Variants in DEPDC1B observed in about 807,000 individuals in gnomAD.
DEPDC1B encodes DEP domain-containing protein 1B.
In DEPDC1B, 51 loss-of-function variants were observed where a neutral mutation model predicts 66.5. That is an observed-to-expected ratio of 0.77 (90% CI 0.61 to 0.97). DEPDC1B has a LOEUF of 0.97. Among genes scored for constraint, DEPDC1B ranks in the 50% least tolerant of loss-of-function variants. DEPDC1B has a pLI of 0.00. For missense variants in DEPDC1B, 552 were observed against 637.1 expected (o/e 0.87, Z 1.44); for synonymous variants, 226 against 223.6 (o/e 1.01, Z -0.10).
intron 2 of DEPDC1B, among the ~76,000 whole-genome samples, chr5:60,675,998 G>A (rs1333745977): frequency 2.6e-5 from 4 of 151,394 alleles, no homozygotes; most frequent in Non-Finnish European, 5.9e-5. Context: ...CACAATCTCG[G>A]CTCACTGCAA....
intron 2 of DEPDC1B, among the ~76,000 whole-genome samples, chr5:60,686,237 T>A (rs1046494000): frequency 2.0e-5 from 3 of 152,190 alleles, no homozygotes; most frequent in African/African-American, 7.2e-5. Flanking sequence ...ATATTCTCCA[T>A]TCCTTCTTTT....
intron 2 of DEPDC1B, among the ~76,000 whole-genome samples, chr5:60,651,549 CAAAA>C (rs3029124): frequency 7.1e-6 from 1 of 140,022 alleles, no homozygotes; most frequent in African/African-American, 2.8e-5. Context: ...ACAAAAAAAA[CAAAA>C]AAAAAACTAA....
chr5:60,700,015 G>A, intron 1 of DEPDC1B, 31 bp downstream of exon 1: 2 of 1,548,052 alleles, frequency 1.3e-6, no homozygotes. Context: ...GGCACCGGGT[G>A]CTCCGCCCAG....
At chr5:60,601,593 T>C (rs75629467) in intron 9 of DEPDC1B, among the ~76,000 whole-genome samples, 1 of 152,188 alleles carries the variant, frequency 6.6e-6, no homozygotes, top group Non-Finnish European at 1.5e-5. Flanking sequence ...TTTAAAAATA[T>C]TTACTGCTAT....
At position 60,636,248 on chromosome 5, in the gene DEPDC1B, T is replaced by A. The variant is rs868077493; in HGVS notation, c.898+2502A>T. 7.2e-5 allele frequency among the ~76,000 whole-genome samples: 11 copies of A among 152,314 alleles called. No individual in the cohort carries two copies. In the South Asian group the frequency reaches 8.3e-4, roughly 11 times the overall value. ...GCTGGGCCAAATTAAATAATTTTTT[T>A]AATATAAGTAACAAATAAGTCTTTC... On this transcript the variant is annotated intron_variant, in intron 7 of 10. Transcript: ENST00000265036.
Position 60,690,847 on chromosome 5 carries a change from C to G in DEPDC1B, c.49-3620G>C, listed in dbSNP as rs539609438. On this transcript the variant is annotated intron_variant, in intron 1 of 10. Coordinates refer to ENST00000265036, the MANE Select transcript of DEPDC1B (RefSeq NM_018369.3). ...TCTCTTCATACTCTCTGCTGCCCAACCACCTGAGAAACTATTATCCTATTT... is the reference window on the plus strand; with the variant it reads ...TCTCTTCATACTCTCTGCTGCCCAAGCACCTGAGAAACTATTATCCTATTT... Among the ~76,000 whole-genome samples, 5 of 152,212 alleles carry G rather than the reference C, an allele frequency of 3.3e-5. No individual in the cohort carries two copies. In the East Asian group the frequency reaches 9.7e-4, roughly 29 times the overall value.
intron 2 of DEPDC1B, 150 bp from the exon 3 acceptor site, chr5:60,647,683 T>A: frequency 1.4e-6 from 1 of 718,890 alleles, no homozygotes; most frequent in Admixed American, 3.7e-5. Context: ...TTTTTTAAAC[T>A]GCTCTATACC....
chr5:60,680,756 T>C (rs1316151779), intron 2 of DEPDC1B, among the ~76,000 whole-genome samples: 1 of 152,380 alleles, frequency 6.6e-6, no homozygotes, highest in South Asian at 2.1e-4. Context: ...TGGTACTTAA[T>C]GCATTGCAAG....
chr5:60,677,925 T>G (rs184377884), intron 2 of DEPDC1B, among the ~76,000 whole-genome samples: 1 of 152,154 alleles, frequency 6.6e-6, no homozygotes, highest in African/African-American at 2.4e-5. Context: ...GAGGAAGTAG[T>G]CCATTAATTT....
chr5:60,675,610 A>T (rs530722051), intron 2 of DEPDC1B, among the ~76,000 whole-genome samples: 1 of 152,372 alleles, frequency 6.6e-6, no homozygotes, highest in Admixed American at 6.5e-5. Flanking sequence ...TATGTTTAAA[A>T]CTTTGTTCAA....
chr5:60,667,546 A>ATGGATATTTTACATATATATAAAAAG lies in DEPDC1B; in HGVS notation c.314+19415_314+19416insCTTTTTATATATATGTAAAATATCCA, dbSNP rs1554054867. The stretch of plus-strand genomic sequence containing the variant: ...TGGATATTTTACATATATATAAAAA[A>ATGGATATTTTACATATATATAAAAAG]TGGATATTTTACATATATAAAAAAG... On this transcript the variant is annotated intron_variant, in intron 2 of 10. Transcript: ENST00000265036. 2.0e-4 allele frequency among the ~76,000 whole-genome samples: 29 copies of ATGGATATTTTACATATATATAAAAAG among 145,728 alleles called. 1 individual carries two copies. The highest frequency in any genetic ancestry group is 1.5e-4 in the Non-Finnish European group (10 of 66,328).
At chr5:60,635,008 G>T (rs1273105978) in intron 7 of DEPDC1B, among the ~76,000 whole-genome samples, 5 of 148,368 alleles carry the variant, frequency 3.4e-5, no homozygotes, top group Admixed American at 6.8e-5. Context: ...GCGGTGAGCT[G>T]AGATTGCGCC....
chr5:60,601,131 C>T (rs1752192675), intron 9 of DEPDC1B, among the ~76,000 whole-genome samples: 1 of 152,224 alleles, frequency 6.6e-6, no homozygotes, highest in Non-Finnish European at 1.5e-5. Flanking sequence ...CCATGCTGAA[C>T]TCTGAGTCAA....
chr5:60,626,897 G>A (rs181798534), intron 7 of DEPDC1B, among the ~76,000 whole-genome samples: 1 of 152,176 alleles, frequency 6.6e-6, no homozygotes, highest in African/African-American at 2.4e-5. Context: ...AGAACTGAAA[G>A]TCTTCAGCAC....
At chr5:60,695,437 T>G (rs751742564) in intron 1 of DEPDC1B, among the ~76,000 whole-genome samples, 1 of 151,932 alleles carries the variant, frequency 6.6e-6, no homozygotes, top group Non-Finnish European at 1.5e-5. Flanking sequence ...GAACTCAGAG[T>G]GAATACTCAC....
intron 2 of DEPDC1B, among the ~76,000 whole-genome samples, chr5:60,668,643 A>G (rs1433138276): frequency 6.6e-6 from 1 of 152,172 alleles, no homozygotes; most frequent in East Asian, 1.9e-4. Flanking sequence ...GGCAAAACAC[A>G]TGAACCAGGC....
Position 60,605,768 on chromosome 5 carries a change from T to G in DEPDC1B, c.987A>C (p.Leu329=), listed in dbSNP as rs1223991441. 1.9e-6 allele frequency: 3 copies of G among 1,613,650 alleles called. No homozygotes were observed. Among genetic ancestry groups the G allele is most frequent in the Non-Finnish European group, 8.5e-7 (1 of 1,179,834 alleles). The change falls in exon 8 of 11, where the codon CTA becomes CTC. Residue 329 remains leucine (L), a synonymous_variant. Coordinates refer to ENST00000265036, the MANE Select transcript of DEPDC1B (RefSeq NM_018369.3). ...AAATCCTTGCCATCATCCTCATCAATAGCTGTAACTTTCTCCTATTTTCAG... is the reference window on the plus strand; with the variant it reads ...AAATCCTTGCCATCATCCTCATCAAGAGCTGTAACTTTCTCCTATTTTCAG... ...LPPENRRKLQ[L]LMRMMARICL...
At chr5:60,686,938 T>G in intron 2 of DEPDC1B, 24 bp downstream of exon 2, 1 of 1,611,710 alleles carries the variant, frequency 6.2e-7, no homozygotes, top group Non-Finnish European at 8.5e-7. Context: ...TTCCTCACCT[T>G]CCAGGTTTAC....
intron 7 of DEPDC1B, among the ~76,000 whole-genome samples, chr5:60,611,403 C>T (rs551800531): frequency 5.9e-5 from 9 of 152,128 alleles, no homozygotes; most frequent in Non-Finnish European, 1.2e-4. Flanking sequence ...ACAATGGCCT[C>T]TAAGTGTTCA....
Sources: allele counts gnomAD v4.1 joint callset (sites outside exome capture counted in the v4.1 genomes callset), GRCh38; gene constraint gnomAD v4.1.1; transcripts MANE v1.5; gene names NCBI Gene and HGNC (gene_info 2026-07-23, HGNC 2026-07-21).